The following TUNAR variants were observed in gnomAD, a reference collection of about 807,000 sequenced individuals.
TUNAR encodes protein TUNAR.
At chr14:95,897,370 T>C (rs1319715834) in intron 2 of TUNAR, among the ~76,000 whole-genome samples, 1 of 152,224 alleles carries the variant, frequency 6.6e-6, no homozygotes, top group Non-Finnish European at 1.5e-5. Context: ...AATCTTTAGA[T>C]ACATTTTTCT....
intron 2 of TUNAR, among the ~76,000 whole-genome samples, chr14:95,909,886 A>C (rs1889486017): frequency 6.6e-6 from 1 of 152,180 alleles, no homozygotes; most frequent in Non-Finnish European, 1.5e-5. Flanking sequence ...TACCAATGGA[A>C]TCGAGCTTCA....
intron 2 of TUNAR, among the ~76,000 whole-genome samples, chr14:95,881,581 G>C (rs1888978917): frequency 6.6e-6 from 1 of 152,208 alleles, no homozygotes; most frequent in Non-Finnish European, 1.5e-5. Context: ...AGACCTTCAC[G>C]GTTCACCTAC....
At chr14:95,922,386 T>G (rs747108139) in intron 2 of TUNAR, among the ~76,000 whole-genome samples, 6 of 152,222 alleles carry the variant, frequency 3.9e-5, no homozygotes, top group Non-Finnish European at 8.8e-5. Flanking sequence ...ACAGCATGTT[T>G]CTTGCGTGTA....
intron 2 of TUNAR, among the ~76,000 whole-genome samples, chr14:95,898,686 T>C (rs566181706): frequency 2.2e-4 from 33 of 152,346 alleles, no homozygotes; most frequent in African/African-American, 7.5e-4. Flanking sequence ...AGCTTTTTCT[T>C]GTCTCTGATC....
intron 2 of TUNAR, among the ~76,000 whole-genome samples, chr14:95,909,531 C>T (rs1889479980): frequency 6.6e-6 from 1 of 152,186 alleles, no homozygotes; most frequent in Non-Finnish European, 1.5e-5. Context: ...GATCCACCCG[C>T]CTCAGCCCCG....
intron 2 of TUNAR, among the ~76,000 whole-genome samples, chr14:95,893,497 G>A (rs1055740477): frequency 5.9e-5 from 9 of 152,148 alleles, no homozygotes; most frequent in Non-Finnish European, 1.0e-4. Context: ...CAGGTTCTGC[G>A]TGTGTCCCTG....
chr14:95,904,827 C>G (rs1889405579), intron 2 of TUNAR, among the ~76,000 whole-genome samples: 1 of 152,204 alleles, frequency 6.6e-6, no homozygotes, highest in South Asian at 2.1e-4. Flanking sequence ...GAGTTTATAT[C>G]CTCTTCCCCT....
chr14:95,921,585 G>C (rs1036318455), intron 2 of TUNAR, among the ~76,000 whole-genome samples: 1 of 152,196 alleles, frequency 6.6e-6, no homozygotes, highest in Non-Finnish European at 1.5e-5. Context: ...TGGAAGATAT[G>C]CCTGCAGTTT....
intron 2 of TUNAR, among the ~76,000 whole-genome samples, chr14:95,886,793 A>G (rs1889084970): frequency 1.3e-5 from 2 of 152,188 alleles, no homozygotes; most frequent in Admixed American, 1.3e-4. Flanking sequence ...CCCAGTGCCC[A>G]TTGCTGGCAG....
chr14:95,919,418 T>A (rs1438834767), intron 2 of TUNAR, among the ~76,000 whole-genome samples: 1 of 152,244 alleles, frequency 6.6e-6, no homozygotes, highest in Non-Finnish European at 1.5e-5. Context: ...AAATAGTATC[T>A]GCAGTTTAGG....
intron 2 of TUNAR, among the ~76,000 whole-genome samples, chr14:95,885,622 T>C (rs908255297): frequency 6.6e-6 from 1 of 152,136 alleles, no homozygotes; most frequent in Non-Finnish European, 1.5e-5. Flanking sequence ...AGAGTCAGGC[T>C]GAGGCTGCAA....
At chr14:95,920,887 G>A (rs961837368) in intron 2 of TUNAR, among the ~76,000 whole-genome samples, 1 of 152,196 alleles carries the variant, frequency 6.6e-6, no homozygotes, top group Admixed American at 6.5e-5. Context: ...ATTATACAGA[G>A]TTGACTCGTG....
intron 2 of TUNAR, among the ~76,000 whole-genome samples, chr14:95,882,672 C>A (rs1457584375): frequency 1.3e-5 from 2 of 152,132 alleles, no homozygotes; most frequent in Non-Finnish European, 1.5e-5. Flanking sequence ...GCTTCTGTTT[C>A]TTAATAATCT....
chr14:95,925,410 A>C (rs1043884605), exon 3 of TUNAR: 1 of 152,256 alleles, frequency 6.6e-6, no homozygotes, highest in South Asian at 2.1e-4. Context: ...CACTAGCAGA[A>C]TATCATACAC....
At chr14:95,894,610 T>G (rs951734847) in intron 2 of TUNAR, among the ~76,000 whole-genome samples, 8 of 152,124 alleles carry the variant, frequency 5.3e-5, no homozygotes, top group Admixed American at 3.3e-4. Context: ...GAAAGAAGAT[T>G]TGGAACCAGG....
chr14:95,883,394 C>T (rs958762651), intron 2 of TUNAR, among the ~76,000 whole-genome samples: 19 of 152,206 alleles, frequency 1.2e-4, no homozygotes, highest in African/African-American at 4.3e-4. Flanking sequence ...TACTAGGATC[C>T]ACCCCCCCAA....
At chr14:95,908,288 G>A (rs998948866) in intron 2 of TUNAR, among the ~76,000 whole-genome samples, 2 of 152,218 alleles carry the variant, frequency 1.3e-5, no homozygotes, top group Admixed American at 1.3e-4. Context: ...AGAGTGCAGG[G>A]AGGCCTGAGT....
At chr14:95,883,304 G>A (rs1289417475) in intron 2 of TUNAR, among the ~76,000 whole-genome samples, 1 of 152,240 alleles carries the variant, frequency 6.6e-6, no homozygotes, top group Non-Finnish European at 1.5e-5. Context: ...CCCTGTGGCG[G>A]TTGAGAGTGG....
chr14:95,907,655 T>C (rs1889447963), intron 2 of TUNAR, among the ~76,000 whole-genome samples: 1 of 152,160 alleles, frequency 6.6e-6, no homozygotes, highest in African/African-American at 2.4e-5. Context: ...CTGCAATGGG[T>C]AGCTCCTCTC....
Sources: gnomAD v4.1 joint callset for allele counts (sites outside exome capture counted in the v4.1 genomes callset) on GRCh38, gnomAD v4.1.1 for gene constraint, MANE v1.5 for transcripts, NCBI Gene and HGNC (gene_info 2026-07-23, HGNC 2026-07-21) for gene names.